Variants in SH3GL1 observed in about 807,000 individuals in gnomAD.
SH3GL1 encodes endophilin-A2.
Under a neutral mutation model 48.8 loss-of-function variants are expected in SH3GL1, and 21 were observed. The observed-to-expected ratio is 0.43, with a 90% CI of 0.30 to 0.62. SH3GL1 has a LOEUF of 0.62. Ranked by LOEUF, SH3GL1 falls within the 20% of genes least tolerant of loss-of-function variation. The pLI, the probability that SH3GL1 is intolerant of heterozygous loss-of-function variation, is 0.11. For missense variants in SH3GL1, 454 were observed against 503.0 expected (o/e 0.90, Z 0.93); for synonymous variants, 282 against 217.5 (o/e 1.30, Z -2.61).
At chr19:4,366,663 G>A (rs1406088120) in intron 2 of SH3GL1, 90 bp from the exon 3 acceptor site, 9 of 1,270,950 alleles carry the variant, frequency 7.1e-6, no homozygotes, top group Non-Finnish European at 1.0e-5. Flanking sequence ...CCTGCCCTAA[G>A]AGCCCATACC....
Position 4,364,174 on chromosome 19 carries a change from C to T in SH3GL1, c.379G>A (p.Val127Met), listed in dbSNP as rs769063861. 1 of 1,613,962 alleles carries T rather than the reference C, an allele frequency of 6.2e-7. No homozygotes were observed. Among genetic ancestry groups the T allele is most frequent in the South Asian group, 1.1e-5 (1 of 91,084 alleles). The change falls in exon 5 of 10, where the codon GTG (valine) becomes ATG (methionine). Residue 127 changes from valine (V) to methionine (M), a missense_variant. Around this residue, in one of 2 missense-constraint regions of SH3GL1, gnomAD observed 176 missense variants for 256.2 expected, o/e 0.69. Coordinates refer to ENST00000269886, the MANE Select transcript of SH3GL1 (RefSeq NM_003025.4). ...AGESMKRLAE[V>M]KDSLDIEVKQ... ...ACCTCGATGTCCAGGGAGTCCTTCA[C>T]CTCTGCCAGGCGCTTCATGGACTCG...
In SH3GL1 at chr19:4,365,581, G is replaced by A. The variant is rs757527993; in HGVS notation, c.232C>T (p.Arg78Trp). ...TAGCCGGGGTTCTTCACCTGGCCCC[G>A]GATCTTGGACACCGTGTTGAGCATG... Reference protein sequence around the residue: ...LTMLNTVSKIRGQVKNPGYPQ... With the variant: ...LTMLNTVSKIWGQVKNPGYPQ... Residue 78 changes from arginine to tryptophan, a missense_variant, in exon 4 of 10, where the codon CGG becomes TGG. Coordinates refer to ENST00000269886, the MANE Select transcript of SH3GL1 (RefSeq NM_003025.4). 1.9e-6 allele frequency: 3 copies of A among 1,613,994 alleles called. No homozygotes were observed. The highest frequency in any genetic ancestry group is 1.7e-5 in the Admixed American group (1 of 60,004).
chr19:4,384,384 C>CTA (rs1973195797), intron 1 of SH3GL1, among the ~76,000 whole-genome samples: 2 of 152,206 alleles, frequency 1.3e-5, no homozygotes, highest in African/African-American at 4.8e-5. Context: ...TTTACGAGTG[C>CTA]GCAACACACG....
rs776523864 is a variant in SH3GL1, at chr19:4,363,804, A to T, written c.540T>A (p.Asp180Glu). 1 of 1,613,634 alleles carries T rather than the reference A, an allele frequency of 6.2e-7. No individual in the cohort carries two copies. Among genetic ancestry groups the T allele is most frequent in the Middle Eastern group, 1.7e-4 (1 of 5,736 alleles). ...YKKKRQGKIP[D>E]EELRQALEKF... is the part of the protein sequence containing the mutation. ...TCTCCAGCGCCTGGCGTAGCTCCTC[A>T]TCGGGGATCTTGCCCTGCCGCTTCT... Residue 180 changes from aspartate to glutamate, a missense_variant, in exon 6 of 10, where the codon GAT becomes GAA. By Grantham distance (45) the Asp-to-Glu change is conservative (BLOSUM62 2). Transcript: ENST00000269886.
intron 3 of SH3GL1, 119 bp from the exon 4 acceptor site, chr19:4,365,744 C>T: frequency 7.2e-7 from 1 of 1,392,674 alleles, no homozygotes; most frequent in South Asian, 1.2e-5. Context: ...ACAGCCTAGG[C>T]CACACAAAGC....
intron 9 of SH3GL1, among the ~76,000 whole-genome samples, 170 bp downstream of exon 9, chr19:4,362,159 G>A (rs990197572): frequency 5.3e-5 from 8 of 152,220 alleles, no homozygotes; most frequent in Non-Finnish European, 1.2e-4. Flanking sequence ...GTGAGGCTGA[G>A]ACCCAGAGGG....
In SH3GL1 at chr19:4,366,545, G is replaced by A. The variant is rs752782203; in HGVS notation, c.143C>T (p.Thr48Ile). The A allele has an allele frequency of 6.2e-7, 1 of 1,612,236 alleles. No homozygotes were observed. Among genetic ancestry groups the A allele is most frequent in the African/African-American group, 1.3e-5 (1 of 75,000 alleles). The part of the protein sequence containing the change: ...KKVDVTSKAV[T>I]EVLARTIEYL... The stretch of plus-strand genomic sequence containing the variant: ...CTCGATGGTCCTGGCCAGCACTTCT[G>A]TCACCGCCTTGCTGGTGACATCCAC... Residue 48 changes from threonine (T) to isoleucine (I), a missense_variant, in exon 3 of 10, where the codon ACA becomes ATA. Transcript: ENST00000269886.
chr19:4,366,291 G>T (rs557603741), intron 3 of SH3GL1, among the ~76,000 whole-genome samples: 6 of 152,148 alleles, frequency 3.9e-5, no homozygotes, highest in Admixed American at 1.3e-4. Flanking sequence ...GGAACCAGTC[G>T]GCATGAGAGT....
At chr19:4,394,525 A>T (rs1336259923) in intron 1 of SH3GL1, among the ~76,000 whole-genome samples, 2 of 151,962 alleles carry the variant, frequency 1.3e-5, no homozygotes, top group Non-Finnish European at 2.9e-5. Flanking sequence ...AGAAGTAAAA[A>T]CTCACAAACT....
chr19:4,378,142 A>C (rs1208003683), intron 1 of SH3GL1, among the ~76,000 whole-genome samples: 3 of 152,306 alleles, frequency 2.0e-5, no homozygotes, highest in East Asian at 1.9e-4. Flanking sequence ...CACTGAGTAT[A>C]TGGTGAGATA....
At chr19:4,379,648 G>C (rs1359859185) in intron 1 of SH3GL1, among the ~76,000 whole-genome samples, 1 of 151,834 alleles carries the variant, frequency 6.6e-6, no homozygotes, top group Non-Finnish European at 1.5e-5. Flanking sequence ...CATCCTGAAC[G>C]CAACTCCTTC....
At chr19:4,366,451 C>G in intron 3 of SH3GL1, 50 bp downstream of exon 3, 3 of 1,433,746 alleles carry the variant, frequency 2.1e-6, no homozygotes, top group Non-Finnish European at 2.9e-6. Context: ...CCCTCTGACA[C>G]AGAGGCCAGA....
At position 4,361,476 on chromosome 19, in the gene SH3GL1, G is replaced by A; in HGVS notation, c.*124C>T. ...TGCTCAGGGAGTACCTCAAGGGCCG[G>A]GGCCCAGGTGGCGCCGGCAGGCTCA... On this transcript the variant is annotated 3_prime_UTR_variant, in exon 10 of 10. Coordinates refer to ENST00000269886, the MANE Select transcript of SH3GL1 (RefSeq NM_003025.4). 1.4e-6 allele frequency: 1 copy of A among 708,852 alleles called. No homozygotes were observed. The highest frequency in any genetic ancestry group is 2.4e-6 in the Non-Finnish European group (1 of 423,778). The allele number at this position is 708,852 out of a possible 1,614,324, so 43.9% of individuals were successfully genotyped here.
chr19:4,366,114 C>T (rs75792826), intron 3 of SH3GL1, among the ~76,000 whole-genome samples: 2,794 of 152,262 alleles, frequency 0.018, 64 homozygotes, highest in East Asian at 0.08. Context: ...GGGAAAAGCC[C>T]GTCTCTCAGC....
At chr19:4,382,032 G>C (rs772136863) in intron 1 of SH3GL1, among the ~76,000 whole-genome samples, 1 of 151,946 alleles carries the variant, frequency 6.6e-6, no homozygotes, top group Non-Finnish European at 1.5e-5. Context: ...GGATCACCCC[G>C]GGCTAAGATT....
chr19:4,399,319 C>A (rs1375555427), intron 1 of SH3GL1, among the ~76,000 whole-genome samples: 128 of 49,624 alleles, frequency 2.6e-3, no homozygotes, highest in South Asian at 5.5e-3. Context: ...GACTCCCTCT[C>A]AAAAAAAAAA....
rs1355944645 is a variant in SH3GL1 at position 4,363,855 on chromosome 19, G to A, written c.489C>T (p.Gly163=). 2 of 1,612,732 alleles carry A rather than the reference G, an allele frequency of 1.2e-6. No homozygotes were observed. Among genetic ancestry groups the A allele is most frequent in the Middle Eastern group, 2.0e-4 (1 of 4,958 alleles). Residue 163 remains glycine, a synonymous_variant, in exon 6 of 10, where the codon GGC becomes GGT. Coordinates refer to ENST00000269886, the MANE Select transcript of SH3GL1 (RefSeq NM_003025.4). ...TCTTGTAGTCAAAGTCCAGGCGGCG[G>A]CCCTCCAGTTTCTTCAGGTGGTGCT... ...EIQHHLKKLE[G]RRLDFDYKKK...
At chr19:4,399,439 A>AGGAG (rs968134611) in intron 1 of SH3GL1, among the ~76,000 whole-genome samples, 7 of 150,632 alleles carry the variant, frequency 4.6e-5, no homozygotes, top group Admixed American at 1.3e-4. Flanking sequence ...GAGAGAGGCA[A>AGGAG]GGAGGGAGGG....
chr19:4,381,126 T>C (rs1973114491), intron 1 of SH3GL1, among the ~76,000 whole-genome samples: 1 of 100,900 alleles, frequency 9.9e-6, no homozygotes, highest in African/African-American at 4.2e-5. Context: ...CCTGCCTCTC[T>C]CTATCCCCCT....
Sources: gnomAD v4.1 joint callset for allele counts (sites outside exome capture counted in the v4.1 genomes callset) on GRCh38, gnomAD v4.1.1 for gene constraint, gnomAD v4.1.1 regional missense constraint, MANE v1.5 for transcripts, NCBI Gene and HGNC (gene_info 2026-07-23, HGNC 2026-07-21) for gene names.